Variants in NECTIN3 observed in about 807,000 individuals in gnomAD.
NECTIN3 encodes nectin-3.
A neutral mutation model predicts 49.4 loss-of-function variants in NECTIN3; 8 were observed. The ratio of observed to expected loss-of-function variants is 0.16; its 90% confidence interval spans 0.10 to 0.29. The LOEUF is 0.29. Ranked by LOEUF, NECTIN3 falls within the 10% of genes least tolerant of loss-of-function variation. NECTIN3 has a pLI of 1.00. For missense variants in NECTIN3, 581 were observed against 654.6 expected (o/e 0.89, Z 1.23); for synonymous variants, 277 against 241.1 (o/e 1.15, Z -1.38).
chr3:111,094,753 A>T (rs1042751312), intron 1 of NECTIN3, among the ~76,000 whole-genome samples: 2 of 152,318 alleles, frequency 1.3e-5, no homozygotes, highest in Admixed American at 1.3e-4. Flanking sequence ...CTAGTGACCC[A>T]GTGCACAGGG....
At chr3:111,159,648 G>A (rs781500885) in intron 7 of NECTIN3, among the ~76,000 whole-genome samples, 7 of 152,082 alleles carry the variant, frequency 4.6e-5, no homozygotes, top group African/African-American at 1.7e-4. Flanking sequence ...TCTACTCAAG[G>A]CGAAATTTCC....
chr3:111,171,335 T>C (rs1016177644), intron 7 of NECTIN3, among the ~76,000 whole-genome samples: 1 of 152,200 alleles, frequency 6.6e-6, no homozygotes, highest in African/African-American at 2.4e-5. Context: ...GAGTGAACCC[T>C]TGGGGGAAAT....
chr3:111,075,273 A>G (rs1003791974), intron 1 of NECTIN3: 1 of 152,132 alleles, frequency 6.6e-6, no homozygotes, highest in South Asian at 2.1e-4. Flanking sequence ...AATGAAAAAA[A>G]CAGTCATTTT....
At chr3:111,130,575 T>TTAA (rs1376155955) in intron 5 of NECTIN3, among the ~76,000 whole-genome samples, 1 of 152,264 alleles carries the variant, frequency 6.6e-6, no homozygotes, top group East Asian at 1.9e-4. Flanking sequence ...GAAATTATTT[T>TTAA]TAATATATGT....
At chr3:111,131,476 G>C (rs902823562) in intron 5 of NECTIN3, among the ~76,000 whole-genome samples, 1 of 151,894 alleles carries the variant, frequency 6.6e-6, no homozygotes, top group Non-Finnish European at 1.5e-5. Context: ...TGCTTAAAAT[G>C]CAAAATAATG....
intron 2 of NECTIN3, among the ~76,000 whole-genome samples, chr3:111,114,876 A>G (rs2033624247): frequency 6.6e-6 from 1 of 152,130 alleles, no homozygotes; most frequent in Non-Finnish European, 1.5e-5. Context: ...TGAAGGGCCA[A>G]CTTTTCCTGT....
intron 7 of NECTIN3, among the ~76,000 whole-genome samples, chr3:111,185,232 G>A (rs2035697329): frequency 6.6e-6 from 1 of 152,104 alleles, no homozygotes; most frequent in Non-Finnish European, 1.5e-5. Flanking sequence ...CCCCAGTTCA[G>A]CAAGATCCTG....
chr3:111,136,057 G>T lies in NECTIN3; in HGVS notation c.*1842G>T. On this transcript the variant is annotated 3_prime_UTR_variant, in exon 6 of 6. Coordinates refer to ENST00000485303, the MANE Select transcript of NECTIN3 (RefSeq NM_015480.3). ...TTTGATAAAACACTGTGATTGATGT[G>T]ACTTTATTTTTAATTTAAACGATGA... is the stretch of plus-strand genomic sequence containing the variant. The T allele has an allele frequency of 1.0e-6, 1 of 981,088 alleles. No individual in the cohort carries two copies. Among genetic ancestry groups the T allele is most frequent in the South Asian group, 4.7e-5 (1 of 21,200 alleles). 60.8% of individuals were successfully genotyped at this position (981,088 alleles called of 1,614,324 possible). A position where few individuals can be genotyped will look rare whatever the true frequency, so the allele number is the denominator to read the frequency against.
chr3:111,113,630 A>C (rs1345158651), intron 2 of NECTIN3, among the ~76,000 whole-genome samples: 1 of 152,150 alleles, frequency 6.6e-6, no homozygotes, highest in East Asian at 1.9e-4. Flanking sequence ...GTTTTTGAGA[A>C]ATTTTCTGAT....
chr3:111,111,768 G>C (rs192373152), intron 1 of NECTIN3, among the ~76,000 whole-genome samples: 1 of 152,030 alleles, frequency 6.6e-6, no homozygotes, highest in South Asian at 2.1e-4. Flanking sequence ...ACATATTGGC[G>C]TATTGTTAAT....
intron 7 of NECTIN3, among the ~76,000 whole-genome samples, chr3:111,180,907 A>T (rs1368416280): frequency 6.6e-6 from 1 of 152,190 alleles, no homozygotes; most frequent in African/African-American, 2.4e-5. Context: ...TCCAAAACGG[A>T]GTAATTATAA....
Position 111,072,127 on chromosome 3 carries a change from C to T in NECTIN3, c.110C>T (p.Pro37Leu), listed in dbSNP as rs1298581473. 10 of 1,549,868 alleles carry T rather than the reference C, an allele frequency of 6.5e-6. No homozygotes were observed. Among genetic ancestry groups the T allele is most frequent in the African/African-American group, 2.7e-5 (2 of 72,822 alleles). The change falls in exon 1 of 6, where the codon CCT (proline) becomes CTT (leucine). Residue 37 changes from proline to leucine, a missense_variant. By Grantham distance (98) the Pro-to-Leu change is moderately conservative. Coordinates refer to ENST00000485303, the MANE Select transcript of NECTIN3 (RefSeq NM_015480.3). Reference protein sequence around the residue: ...AGLLLQPPTPPPLLLLLFPLL... With the variant: ...AGLLLQPPTPLPLLLLLFPLL... ...CTCCTGCTGCAGCCCCCGACGCCAC[C>T]TCCGCTGCTGCTGCTGCTCTTCCCG...
intron 7 of NECTIN3, among the ~76,000 whole-genome samples, chr3:111,179,520 T>A (rs2035589449): frequency 6.6e-6 from 1 of 151,976 alleles, no homozygotes; most frequent in Non-Finnish European, 1.5e-5. Flanking sequence ...AGGAAAGGAT[T>A]TATGGGATGT....
chr3:111,126,141 G>A (rs764883622), intron 4 of NECTIN3, 43 bp from the exon 5 acceptor site: 5 of 1,396,352 alleles, frequency 3.6e-6, no homozygotes, highest in Non-Finnish European at 4.8e-6. Flanking sequence ...AATAAATATA[G>A]TCTGAAGATA....
At chr3:111,088,381 A>G (rs1053744634) in intron 1 of NECTIN3, among the ~76,000 whole-genome samples, 5 of 152,290 alleles carry the variant, frequency 3.3e-5, no homozygotes, top group African/African-American at 1.2e-4. Flanking sequence ...TTGTGAGCTA[A>G]ATAAACCTTT....
intron 1 of NECTIN3, among the ~76,000 whole-genome samples, chr3:111,091,442 C>T (rs1160765351): frequency 2.0e-5 from 3 of 151,884 alleles, no homozygotes; most frequent in African/African-American, 7.3e-5. Flanking sequence ...TTAGTAGAGA[C>T]GGGGTTTCAC....
chr3:111,081,736 GA>G (rs2031619192), intron 1 of NECTIN3, among the ~76,000 whole-genome samples: 1 of 152,166 alleles, frequency 6.6e-6, no homozygotes, highest in Non-Finnish European at 1.5e-5. Context: ...GTTTGTGAGG[GA>G]AAGTCAGTGA....
chr3:111,188,954 C>A (rs1385696857), upstream of NECTIN3, among the ~76,000 whole-genome samples: 1 of 152,170 alleles, frequency 6.6e-6, no homozygotes, highest in Non-Finnish European at 1.5e-5. Context: ...GAATATGCTC[C>A]CTTTCAGTGT....
intron 1 of NECTIN3, among the ~76,000 whole-genome samples, chr3:111,111,571 A>G (rs2033461221): frequency 6.6e-6 from 1 of 152,152 alleles, no homozygotes; most frequent in African/African-American, 2.4e-5. Flanking sequence ...ATATCCATTT[A>G]TTATCTCTCA....
Sources: allele counts gnomAD v4.1 joint callset (sites outside exome capture counted in the v4.1 genomes callset), GRCh38; gene constraint gnomAD v4.1.1; transcripts MANE v1.5; gene names NCBI Gene and HGNC (gene_info 2026-07-23, HGNC 2026-07-21).